The following FCHO2 variants were observed in gnomAD, a reference collection of about 807,000 sequenced individuals.
FCHO2 encodes the protein FCH and mu domain containing endocytic adaptor 2, also known as F-BAR domain only protein 2.
FCHO2 carries 43 observed loss-of-function variants against 114.1 expected under a neutral mutation model. The ratio of observed to expected loss-of-function variants is 0.38; its 90% CI spans 0.30 to 0.49. The LOEUF (loss-of-function observed/expected upper bound fraction) is 0.49. FCHO2 is among the 20% of genes least tolerant of loss of function. The pLI is 0.97. For synonymous variants in FCHO2, 293 were observed against 315.2 expected (o/e 0.93, Z 0.75); for missense variants, 807 against 950.4 (o/e 0.85, Z 1.98).
chr5:73,056,233 C>T (rs1757586940), intron 16 of FCHO2, 126 bp downstream of exon 16: 3 of 655,086 alleles, frequency 4.6e-6, no homozygotes, highest in Admixed American at 7.0e-5. Context: ...TTCATATGCC[C>T]AGTCTCTCTC....
chr5:73,060,963 A>G lies in FCHO2; in HGVS notation c.1345+2439A>G, dbSNP rs149689156. Among the ~76,000 whole-genome samples the G allele has an allele frequency of 2.6e-3, 389 of 151,656 alleles. 1 individual carries two copies. The highest frequency in any genetic ancestry group is 8.7e-3 in the African/African-American group (362 of 41,468). ...CCTCCCCTTTGTTAAGTGCCAATGT[A>G]GATTACTTTCTCTGCCTATGAATTA... On this transcript the variant is annotated intron_variant, in intron 17 of 25. Transcript: ENST00000430046.
At chr5:73,085,514 C>T (rs1278886913) in intron 24 of FCHO2, among the ~76,000 whole-genome samples, 1 of 151,952 alleles carries the variant, frequency 6.6e-6, no homozygotes, top group Non-Finnish European at 1.5e-5. Context: ...GTGGCTCATT[C>T]CTGCAATCCC....
At chr5:73,031,412 A>G (rs1756236180) in intron 8 of FCHO2, among the ~76,000 whole-genome samples, 3 of 152,336 alleles carry the variant, frequency 2.0e-5, no homozygotes, top group Middle Eastern at 3.4e-3. Flanking sequence ...TTTTTAACTA[A>G]TGTTAAAAAC....
chr5:73,069,604 G>A (rs1175711011), intron 19 of FCHO2, among the ~76,000 whole-genome samples: 2 of 152,022 alleles, frequency 1.3e-5, no homozygotes, highest in African/African-American at 4.8e-5. Flanking sequence ...AGCTCAGGCT[G>A]TAATTTGAGT....
In FCHO2 at chr5:73,090,324, G is replaced by T. The variant is rs1743449140; in HGVS notation, c.*2234G>T. ...CTTATATATAGTGATAAACTTTGTA[G>T]CTGCCTCTTTAACCAAGAATTTGTA... On this transcript the variant is annotated 3_prime_UTR_variant, in exon 26 of 26. Coordinates refer to ENST00000430046, the MANE Select transcript of FCHO2 (RefSeq NM_138782.3). 6.6e-6 allele frequency: 1 copy of T among 152,480 alleles called. No homozygotes were observed. Among genetic ancestry groups the T allele is most frequent in the African/African-American group, 2.4e-5 (1 of 41,402 alleles). 9.4% of individuals were successfully genotyped at this position (152,480 alleles called of 1,614,324 possible).
At chr5:73,029,375 TGTAA>T (rs1226159569) in intron 8 of FCHO2, among the ~76,000 whole-genome samples, 1 of 152,178 alleles carries the variant, frequency 6.6e-6, no homozygotes, top group Non-Finnish European at 1.5e-5. Flanking sequence ...AAAATGTGTA[TGTAA>T]GAGGAGATTA....
chr5:73,055,122 A>G (rs1332310083), intron 15 of FCHO2: 2 of 343,552 alleles, frequency 5.8e-6, no homozygotes, highest in East Asian at 7.6e-5. Flanking sequence ...AACAGAGTTT[A>G]AGAGACCTAG....
chr5:72,997,598 G>A, intron 5 of FCHO2: 1 of 1,379,656 alleles, frequency 7.2e-7, no homozygotes, highest in African/African-American at 1.4e-5. Flanking sequence ...CACCGCTGAT[G>A]TTCGTTCCGT....
intron 7 of FCHO2, 107 bp from the exon 8 acceptor site, chr5:73,017,105 A>G: frequency 1.5e-6 from 1 of 686,668 alleles, no homozygotes; most frequent in South Asian, 2.8e-5. Flanking sequence ...CTTGGGTCAA[A>G]AATACATATT....
chr5:73,062,653 T>C (rs973531091), intron 17 of FCHO2, among the ~76,000 whole-genome samples: 40 of 152,062 alleles, frequency 2.6e-4, no homozygotes, highest in Admixed American at 5.9e-4. Flanking sequence ...TTAAGCAACC[T>C]GAACAGCGTT....
At chr5:73,043,054 A>G (rs1348922482) in intron 11 of FCHO2, among the ~76,000 whole-genome samples, 2 of 151,890 alleles carry the variant, frequency 1.3e-5, no homozygotes, top group Admixed American at 6.6e-5. Flanking sequence ...TCAGCCTCCC[A>G]TGTAGCTGGG....
At chr5:72,990,912 A>G (rs967916787) in intron 5 of FCHO2, 48 bp downstream of exon 5, 30 of 1,502,386 alleles carry the variant, frequency 2.0e-5, no homozygotes, top group Non-Finnish European at 2.5e-5. Context: ...GCACCTTGAC[A>G]TACAAAATTG....
chr5:73,077,316 C>G (rs758616763), intron 20 of FCHO2, 22 bp from the exon 21 acceptor site: 1 of 1,548,850 alleles, frequency 6.5e-7, no homozygotes, highest in South Asian at 1.2e-5. Flanking sequence ...TATTTAAACA[C>G]TTTTCAAAAT....
intron 11 of FCHO2, among the ~76,000 whole-genome samples, chr5:73,050,582 G>T (rs867762019): frequency 6.6e-6 from 1 of 152,094 alleles, no homozygotes; most frequent in Admixed American, 6.5e-5. Flanking sequence ...CTCCAAAAGT[G>T]CTGGAACTAC....
chr5:73,003,851 T>C (rs1754572941), intron 5 of FCHO2, among the ~76,000 whole-genome samples: 1 of 151,658 alleles, frequency 6.6e-6, no homozygotes, highest in Admixed American at 6.6e-5. Context: ...CGAGATCAGC[T>C]TGGCCAACAT....
intron 8 of FCHO2, among the ~76,000 whole-genome samples, chr5:73,024,840 A>G (rs1300133245): frequency 6.6e-6 from 1 of 152,226 alleles, no homozygotes; most frequent in Non-Finnish European, 1.5e-5. Flanking sequence ...GATAGTCTAC[A>G]TTTATTAATA....
intron 8 of FCHO2, among the ~76,000 whole-genome samples, chr5:73,033,145 G>A (rs1486195815): frequency 6.6e-6 from 1 of 152,024 alleles, no homozygotes; most frequent in Non-Finnish European, 1.5e-5. Context: ...TTTGAATAAA[G>A]TCCTTAAATT....
Position 72,956,087 on chromosome 5 carries a change from C to T in FCHO2, c.-10C>T. Reference sequence around the variant, plus strand: ...GGCGCGGACGCGGAACCCGGCGCGGCGGCGGCACGATGGTCATGGCGTATT... The same window carrying T: ...GGCGCGGACGCGGAACCCGGCGCGGTGGCGGCACGATGGTCATGGCGTATT... On this transcript the variant is annotated 5_prime_UTR_variant, in exon 1 of 26. Coordinates refer to ENST00000430046, the MANE Select transcript of FCHO2 (RefSeq NM_138782.3). 1.3e-6 allele frequency: 2 copies of T among 1,539,946 alleles called. No homozygotes were observed. Among genetic ancestry groups the T allele is most frequent in the East Asian group, 5.1e-5 (2 of 39,458 alleles).
intron 1 of FCHO2, among the ~76,000 whole-genome samples, chr5:72,962,143 G>A (rs938114830): frequency 1.3e-5 from 2 of 152,094 alleles, no homozygotes; most frequent in Non-Finnish European, 2.9e-5. Flanking sequence ...TTTTTAAGGG[G>A]TGTGATTTGT....
Sources: gnomAD v4.1 joint callset for allele counts (sites outside exome capture counted in the v4.1 genomes callset) on GRCh38, gnomAD v4.1.1 for gene constraint, MANE v1.5 for transcripts, NCBI Gene and HGNC (gene_info 2026-07-23, HGNC 2026-07-21) for gene names.